EMC1: variants seen among roughly 807,000 people sequenced by gnomAD.
The protein encoded by EMC1 is ER membrane protein complex subunit 1.
EMC1 carries 103 observed loss-of-function variants against 128.8 expected under a neutral mutation model. The ratio of observed to expected loss-of-function variants is 0.80; its 90% CI spans 0.68 to 0.94. The LOEUF (loss-of-function observed/expected upper bound fraction) is 0.94, where lower values mean the gene tolerates loss of function less well. Ranked by LOEUF, EMC1 falls within the 40% of genes least tolerant of loss-of-function variation. EMC1 has a pLI of 0.00. For missense variants in EMC1, 1,083 were observed against 1,250.6 expected, an observed-to-expected ratio of 0.87 and a Z score of 2.02; for synonymous variants, 442 against 490.4, an observed-to-expected ratio of 0.90 and a Z score of 1.30.
At chr1:19,233,960 AAAG>A (rs1423215886) in intron 13 of EMC1, among the ~76,000 whole-genome samples, 1 of 152,196 alleles carries the variant, frequency 6.6e-6, no homozygotes, top group Non-Finnish European at 1.5e-5. Flanking sequence ...ACTCACTAAA[AAAG>A]GAGCAGAACC....
At chr1:19,228,818 G>A (rs543002467) in intron 17 of EMC1, among the ~76,000 whole-genome samples, 156 of 152,280 alleles carry the variant, frequency 1.0e-3, no homozygotes, top group African/African-American at 3.4e-3. Context: ...TTCGGAGCCC[G>A]AGGCGGGAGG....
chr1:19,225,638 T>A (rs138028477), intron 18 of EMC1, among the ~76,000 whole-genome samples: 2,977 of 150,172 alleles, frequency 0.02, 42 homozygotes, highest in South Asian at 0.055. Context: ...AGAGCAAGAC[T>A]CCATCTCAAA....
chr1:19,235,040 A>G (rs942774698), intron 13 of EMC1, 90 bp downstream of exon 13: 1 of 1,484,350 alleles, frequency 6.7e-7, no homozygotes, highest in Non-Finnish European at 9.1e-7. Flanking sequence ...CAGCCTAGGA[A>G]GCCAGAGATG....
chr1:19,244,922 G>A lies in EMC1; in HGVS notation c.204C>T (p.Ser68=), dbSNP rs1385471341. Residue 68 remains serine, a synonymous_variant, in exon 2 of 23, where the codon TCC becomes TCT. Transcript: ENST00000477853. ...TTCACTCACAGATCTCCCCAGTTCG[G>A]GAATTTAATGCTGCAATCACATTCT... ...TEKNVIAALN[S]RTGEILWRHV... is the part of the protein sequence containing the mutation. 14 of 1,613,606 alleles carry A rather than the reference G, an allele frequency of 8.7e-6. No individual in the cohort carries two copies. In the South Asian group the frequency reaches 1.5e-4, roughly 18 times the overall value.
chr1:19,243,062 C>A lies in EMC1; in HGVS notation c.380+552G>T, dbSNP rs562721461. Among the ~76,000 whole-genome samples, 587 of 152,176 alleles carry A rather than the reference C, an allele frequency of 3.9e-3. 3 individuals are homozygous for A. The highest frequency in any genetic ancestry group is 0.013 in the African/African-American group (522 of 41,518). On this transcript the variant is annotated intron_variant, in intron 4 of 22. Coordinates refer to ENST00000477853, the MANE Select transcript of EMC1 (RefSeq NM_015047.3). ...ACCAGCCTGGCCAACATGGTGAAAC[C>A]CCGTCTCTACTAATAATACAAAAAT...
At chr1:19,251,131 C>T (rs1354576944) in intron 1 of EMC1, among the ~76,000 whole-genome samples, 2 of 152,158 alleles carry the variant, frequency 1.3e-5, no homozygotes, top group Admixed American at 6.5e-5. Context: ...CGAGGGAGGA[C>T]GGGATCAGTG....
Position 19,240,454 on chromosome 1 carries a change from A to G in EMC1, c.637-8T>C. The G allele has an allele frequency of 6.2e-7, 1 of 1,613,972 alleles. No homozygotes were observed. The highest frequency in any genetic ancestry group is 8.5e-7 in the Non-Finnish European group (1 of 1,179,938). ...CGGAGTTGAAACCCTAACCTACAGA[A>G]AAGTCATCGTTAACAGGAAGCTCGT... On this transcript the variant is annotated splice_region_variant and splice_polypyrimidine_tract_variant and intron_variant, in intron 6 of 22. Transcript: ENST00000477853.
intron 1 of EMC1, among the ~76,000 whole-genome samples, chr1:19,248,663 C>A (rs1401279231): frequency 1.3e-5 from 2 of 152,098 alleles, no homozygotes; most frequent in African/African-American, 4.8e-5. Flanking sequence ...CGTGATCCAC[C>A]CGCCTCGGCC....
intron 1 of EMC1, among the ~76,000 whole-genome samples, chr1:19,250,507 A>C (rs754177131): frequency 2.6e-5 from 4 of 152,210 alleles, no homozygotes; most frequent in Non-Finnish European, 5.9e-5. Flanking sequence ...TTTATTTGTC[A>C]CACTGTCTGG....
chr1:19,231,082 TGTTAAGAACCTGA>T, intron 16 of EMC1, 119 bp from the exon 17 acceptor site: 1 of 1,416,628 alleles, frequency 7.1e-7, no homozygotes, highest in Admixed American at 2.0e-5. Flanking sequence ...CATTCAGTTC[TGTTAAGAACCTGA>T]GTTTTCACAA....
chr1:19,233,031 G>C lies in EMC1; in HGVS notation c.1537C>G (p.Arg513Gly), dbSNP rs969642659. ...WKMFYDARKPRSQIKNEINID... is the reference protein window; with the variant it reads ...WKMFYDARKPGSQIKNEINID... Reference sequence around the variant, plus strand: ...TTGATCTCATTCTTAATCTGACTCCGGGGCTTCCGAGCATCATAAAACATT... The same window carrying C: ...TTGATCTCATTCTTAATCTGACTCCCGGGCTTCCGAGCATCATAAAACATT... The change falls in exon 14 of 23, where the codon CGG becomes GGG. Residue 513 changes from arginine to glycine, a missense_variant. By Grantham distance (125) the Arg-to-Gly change is moderately radical. Transcript: ENST00000477853. 6.2e-7 allele frequency: 1 copy of C among 1,614,070 alleles called. No individual in the cohort carries two copies. The highest frequency in any genetic ancestry group is 1.7e-4 in the Middle Eastern group (1 of 6,060).
At chr1:19,226,449 A>G (rs1558095162) in intron 18 of EMC1, among the ~76,000 whole-genome samples, 1 of 152,144 alleles carries the variant, frequency 6.6e-6, no homozygotes, top group African/African-American at 2.4e-5. Context: ...AGACCCTGTC[A>G]ATATAAAAAT....
intron 8 of EMC1, 69 bp from the exon 9 acceptor site, chr1:19,239,371 C>A: frequency 1.4e-6 from 2 of 1,395,718 alleles, no homozygotes; most frequent in Non-Finnish European, 1.0e-6. Context: ...CAGAGGGTCA[C>A]CTCTCCAGGG....
chr1:19,243,404 C>T (rs776397627), intron 4 of EMC1, among the ~76,000 whole-genome samples: 3 of 152,150 alleles, frequency 2.0e-5, no homozygotes, highest in South Asian at 2.1e-4. Flanking sequence ...CAAGCACAAG[C>T]GCAAACATTG....
Position 19,246,771 on chromosome 1 carries a change from C to T in EMC1, c.96-1741G>A, listed in dbSNP as rs868449557. Among the ~76,000 whole-genome samples, 3 of 152,074 alleles carry T rather than the reference C, an allele frequency of 2.0e-5. No homozygotes were observed. The South Asian group carries it at 6.2e-4, about 32-fold the overall frequency. ...CTCCGGCGTGGGTGACAGAGCAAGA[C>T]TCTGTCTCAAAACAATAAAAAATAA... is the stretch of plus-strand genomic sequence containing the variant. On this transcript the variant is annotated intron_variant, in intron 1 of 22. Transcript: ENST00000477853.
chr1:19,223,626 T>C lies in EMC1; in HGVS notation c.2203-57A>G, dbSNP rs1228237362. 3 of 1,549,786 alleles carry C rather than the reference T, an allele frequency of 1.9e-6. No individual in the cohort carries two copies. The African/African-American group carries it at 4.1e-5, about 21-fold the overall frequency. On this transcript the variant is annotated intron_variant, in intron 18 of 22. Transcript: ENST00000477853. ...CACGACGACTCATCACACACTCCAT[T>C]CCTGTGCTGTGAGACCAACCTGGAG...
chr1:19,222,539 C>T (rs2151937888), intron 20 of EMC1, 85 bp downstream of exon 20: 1 of 1,223,112 alleles, frequency 8.2e-7, no homozygotes, highest in Non-Finnish European at 1.2e-6. Flanking sequence ...CAACAAGGCT[C>T]TGCCAGCAAT....
chr1:19,232,653 G>A lies in EMC1; in HGVS notation c.1753C>T (p.Pro585Ser). Residue 585 changes from proline to serine, a missense_variant, in exon 15 of 23, where the codon CCA becomes TCA. Transcript: ENST00000477853. Reference protein sequence around the residue: ...QRTTAHFPHPPQCTLLVKDKE... With the variant: ...QRTTAHFPHPSQCTLLVKDKE... Reference sequence around the variant, plus strand: ...TCCTTCACCAGCAGGGTGCACTGTGGGGGATGGGGGAAATGAGCAGTAGTT... The same window carrying A: ...TCCTTCACCAGCAGGGTGCACTGTGAGGGATGGGGGAAATGAGCAGTAGTT... 1 of 1,614,178 alleles carries A rather than the reference G, an allele frequency of 6.2e-7. No individual in the cohort carries two copies. Among genetic ancestry groups the A allele is most frequent in the Non-Finnish European group, 8.5e-7 (1 of 1,180,042 alleles).
chr1:19,223,433 C>G lies in EMC1; in HGVS notation c.2339G>C (p.Gly780Ala). The change falls in exon 19 of 23, where the codon GGC becomes GCC. Residue 780 changes from glycine to alanine, a missense_variant. Around this residue, in one of 3 missense-constraint regions of EMC1, gnomAD observed 527 missense variants for 644.1 expected, o/e 0.82. Coordinates refer to ENST00000477853, the MANE Select transcript of EMC1 (RefSeq NM_015047.3). ...IHSSVQKKAK[G>A]PVHIVHSENW... ...CTCTGAATGCACGATATGGACAGGG[C>G]CTTTGGCTTTCTTCTGCACAGAGGA... 6.2e-7 allele frequency: 1 copy of G among 1,614,156 alleles called. No individual in the cohort carries two copies. Among genetic ancestry groups the G allele is most frequent in the Non-Finnish European group, 8.5e-7 (1 of 1,180,034 alleles).
Sources: allele counts gnomAD v4.1 joint callset (sites outside exome capture counted in the v4.1 genomes callset), GRCh38; gene constraint gnomAD v4.1.1; regional missense constraint gnomAD v4.1.1; transcripts MANE v1.5; gene names NCBI Gene and HGNC (gene_info 2026-07-23, HGNC 2026-07-21).